CCDC148: variants seen among roughly 807,000 people sequenced by gnomAD.
The protein encoded by CCDC148 is coiled-coil domain containing 148, also known as coiled-coil domain-containing protein 148.
A neutral mutation model predicts 85.7 loss-of-function variants in CCDC148; 89 were observed. The ratio of observed to expected loss-of-function variants is 1.04; its 90% CI spans 0.87 to 1.24. CCDC148 has a LOEUF of 1.24. Ranked by LOEUF, CCDC148 falls within the 50% of genes most tolerant of loss-of-function variation. CCDC148 has a pLI of 0.00. For synonymous variants in CCDC148, 230 were observed against 213.9 expected (o/e 1.08, Z -0.66); for missense variants, 692 against 671.7 (o/e 1.03, Z -0.33).
At chr2:158,313,600 A>C (rs550925972) in intron 8 of CCDC148, among the ~76,000 whole-genome samples, 156 bp downstream of exon 8, 1 of 152,250 alleles carries the variant, frequency 6.6e-6, no homozygotes, top group African/African-American at 2.4e-5. Flanking sequence ...AATGACCTGC[A>C]CAGGCTTTCA....
intron 10 of CCDC148, among the ~76,000 whole-genome samples, chr2:158,224,791 C>G (rs575136413): frequency 1.3e-5 from 2 of 152,312 alleles, no homozygotes; most frequent in African/African-American, 4.8e-5. Flanking sequence ...CCTAAAAGAG[C>G]TCCTAAAGGA....
intron 1 of CCDC148, among the ~76,000 whole-genome samples, chr2:158,403,514 C>G (rs529246053): frequency 9.2e-5 from 14 of 152,146 alleles, no homozygotes; most frequent in Admixed American, 2.6e-4. Context: ...AGCTACTGAC[C>G]TTTATATGAA....
At chr2:158,368,353 C>T (rs562139359) in intron 1 of CCDC148, among the ~76,000 whole-genome samples, 30 of 152,226 alleles carry the variant, frequency 2.0e-4, no homozygotes, top group South Asian at 4.1e-4. Flanking sequence ...TTAAAACCAA[C>T]ATTTCCTGGT....
chr2:158,306,946 G>A lies in CCDC148; in HGVS notation c.1110+2487C>T, dbSNP rs1324675269. Reference sequence around the variant, plus strand: ...AGGCAGGAGAATGGCGTGAACCCGGGAGGCGCAGCTTGCAGTGAGCTGAGA... The same window carrying A: ...AGGCAGGAGAATGGCGTGAACCCGGAAGGCGCAGCTTGCAGTGAGCTGAGA... On this transcript the variant is annotated intron_variant, in intron 9 of 13. Coordinates refer to ENST00000283233, the MANE Select transcript of CCDC148 (RefSeq NM_138803.4). Among the ~76,000 whole-genome samples the A allele has an allele frequency of 2.6e-5, 4 of 151,354 alleles. No individual in the cohort carries two copies. The East Asian group carries it at 5.8e-4, about 22-fold the overall frequency.
intron 1 of CCDC148, among the ~76,000 whole-genome samples, chr2:158,422,968 C>T (rs937189803): frequency 1.1e-4 from 16 of 152,088 alleles, no homozygotes; most frequent in African/African-American, 3.9e-4. Context: ...CATGAGTGAA[C>T]TCCCATTCAG....
intron 1 of CCDC148, among the ~76,000 whole-genome samples, chr2:158,443,190 T>A (rs1688009357): frequency 6.6e-6 from 1 of 151,342 alleles, no homozygotes; most frequent in African/African-American, 2.4e-5. Flanking sequence ...CAAAAAAAAG[T>A]CACTCAGGCA....
rs569272494 is a variant in CCDC148, at chr2:158,286,748, A to G, written c.1110+22685T>C. ...AAACAGTGGAAAGGACAGAGCTTAC[A>G]ATAAAAGGTACTGGGACAACTGGGT... On this transcript the variant is annotated intron_variant, in intron 9 of 13. Transcript: ENST00000283233. Among the ~76,000 whole-genome samples the G allele has an allele frequency of 8.4e-4, 128 of 152,328 alleles. 1 individual carries two copies. Among genetic ancestry groups the G allele is most frequent in the Non-Finnish European group, 1.6e-3 (109 of 68,034 alleles).
intron 1 of CCDC148, among the ~76,000 whole-genome samples, chr2:158,385,545 G>A (rs979988600): frequency 2.0e-5 from 3 of 152,040 alleles, no homozygotes; most frequent in Admixed American, 2.0e-4. Flanking sequence ...TAACCATTAA[G>A]GAAATAGACA....
At chr2:158,364,106 A>T (rs903404861) in intron 1 of CCDC148, among the ~76,000 whole-genome samples, 6 of 152,242 alleles carry the variant, frequency 3.9e-5, no homozygotes, top group Non-Finnish European at 7.3e-5. Flanking sequence ...CTTACAAGTG[A>T]TGTGAAGGAC....
rs1440123515 is a variant in CCDC148 at position 158,342,008 on chromosome 2, G to A, written c.252-1328C>T. Among the ~76,000 whole-genome samples the A allele has an allele frequency of 4.9e-5, 6 of 121,262 alleles. No homozygotes were observed. The South Asian group carries it at 8.4e-4, about 17-fold the overall frequency. 79.6% of individuals were successfully genotyped at this position (121,262 alleles called of 152,430 possible). A position where few individuals can be genotyped will look rare whatever the true frequency, so the allele number is the denominator to read the frequency against. ...CTCCATAGTATTCCATTTTATGTAC[G>A]TGTCATTATTTTCTTTTCTTTTTTT... On this transcript the variant is annotated intron_variant, in intron 3 of 13. Coordinates refer to ENST00000283233, the MANE Select transcript of CCDC148 (RefSeq NM_138803.4).
intron 2 of CCDC148, among the ~76,000 whole-genome samples, chr2:158,352,519 T>G (rs1683373476): frequency 1.3e-5 from 2 of 151,402 alleles, no homozygotes; most frequent in Admixed American, 6.6e-5. Flanking sequence ...GAAGGGAAGT[T>G]TAGAGAAAAA....
chr2:158,357,406 G>A lies in CCDC148; in HGVS notation c.147+1043C>T, dbSNP rs574384606. Among the ~76,000 whole-genome samples the A allele has an allele frequency of 3.3e-5, 5 of 152,156 alleles. No individual in the cohort carries two copies. In the East Asian group the frequency reaches 9.7e-4, roughly 29 times the overall value. ...TAAATATTTAAAAGATTATGTGATA[G>A]ACTATTAGGGAGAAAAGTATACATG... On this transcript the variant is annotated intron_variant, in intron 2 of 13. Transcript: ENST00000283233.
intron 2 of CCDC148, among the ~76,000 whole-genome samples, chr2:158,347,322 A>G (rs147322232): frequency 6.6e-6 from 1 of 152,280 alleles, no homozygotes; most frequent in Non-Finnish European, 1.5e-5. Context: ...GGAAAGTTCA[A>G]TTAAGTAGAC....
At chr2:158,366,225 T>C (rs1684197116) in intron 1 of CCDC148, 1 of 532,638 alleles carries the variant, frequency 1.9e-6, no homozygotes, top group Non-Finnish European at 3.3e-6. Flanking sequence ...TTCTTGCCCC[T>C]AGAAGCCTCC....
In CCDC148 at chr2:158,360,181, G is replaced by A. The variant is rs529638727; in HGVS notation, c.26-1611C>T. Among the ~76,000 whole-genome samples the A allele has an allele frequency of 6.7e-4, 102 of 152,334 alleles. 1 individual carries two copies. The highest frequency in any genetic ancestry group is 1.4e-3 in the Non-Finnish European group (94 of 68,036). ...ACAATAGGCAGCAGCCTGAGTCAGGGACTTATAGATAAAACTCCCATCACC... is the reference window on the plus strand; with the variant it reads ...ACAATAGGCAGCAGCCTGAGTCAGGAACTTATAGATAAAACTCCCATCACC... On this transcript the variant is annotated intron_variant, in intron 1 of 13. Transcript: ENST00000283233.
chr2:158,278,325 T>C (rs540852691), intron 9 of CCDC148, among the ~76,000 whole-genome samples: 6 of 152,194 alleles, frequency 3.9e-5, no homozygotes, highest in African/African-American at 1.2e-4. Flanking sequence ...GGGTGAGACA[T>C]TGCCTCACTC....
chr2:158,225,668 A>T (rs1163966363), intron 10 of CCDC148, among the ~76,000 whole-genome samples: 2 of 152,274 alleles, frequency 1.3e-5, no homozygotes, highest in African/African-American at 4.8e-5. Context: ...AAACTGCTCA[A>T]CTACATGGAA....
intron 11 of CCDC148, among the ~76,000 whole-genome samples, chr2:158,210,959 G>GAA (rs772015775): frequency 2.8e-5 from 2 of 70,412 alleles, no homozygotes; most frequent in African/African-American, 1.1e-4. Flanking sequence ...ACTCTGTCTC[G>GAA]AAAAAAAAAA....
At chr2:158,248,728 A>T (rs1688671352) in intron 10 of CCDC148, among the ~76,000 whole-genome samples, 1 of 152,162 alleles carries the variant, frequency 6.6e-6, no homozygotes, top group South Asian at 2.1e-4. Context: ...GCTCATAGGT[A>T]TAGATCACAT....
Sources: allele counts gnomAD v4.1 joint callset (sites outside exome capture counted in the v4.1 genomes callset), GRCh38; gene constraint gnomAD v4.1.1; transcripts MANE v1.5; gene names NCBI Gene and HGNC (gene_info 2026-07-23, HGNC 2026-07-21).